The following KIF20B variants were observed in gnomAD, a reference collection of about 807,000 sequenced individuals.
KIF20B encodes the protein kinesin family member 20B.
A neutral mutation model predicts 232.5 loss-of-function variants in KIF20B; 188 were observed. That is an observed-to-expected ratio of 0.81 (90% CI 0.72 to 0.91). The LOEUF is 0.91. Ranked by LOEUF, KIF20B falls within the 40% of genes least tolerant of loss-of-function variation. The pLI is 0.00. For missense variants in KIF20B, 2,154 were observed against 2,055.9 expected (o/e 1.05, Z -0.92); for synonymous variants, 712 against 683.0 (o/e 1.04, Z -0.66).
chr10:89,725,065 AC>A lies in KIF20B; in HGVS notation c.1909del (p.Arg637ValfsTer37), dbSNP rs1308122839. 1 of 1,613,754 alleles carries A rather than the reference AC, an allele frequency of 6.2e-7. No homozygotes were observed. Among genetic ancestry groups the A allele is most frequent in the African/African-American group, 1.3e-5 (1 of 74,912 alleles). ...GAGAGATATTAGAAGAAAATGCTGAACGTCGTTTGGCTATCTTCAAGGATTT... is the reference window on the plus strand; with the variant it reads ...GAGAGATATTAGAAGAAAATGCTGAAGTCGTTTGGCTATCTTCAAGGATTT... ...EREILEENAERRLAIFKDLVG... is the reference protein window; with the variant it reads ...EREILEENAEXRLAIFKDLVG... On this transcript the variant is annotated frameshift_variant, in exon 15 of 33. Transcript: ENST00000371728. LOFTEE classifies it high-confidence loss of function.
intron 31 of KIF20B, 146 bp from the exon 32 acceptor site, chr10:89,772,543 C>T: frequency 2.2e-6 from 1 of 445,610 alleles, no homozygotes; most frequent in South Asian, 7.0e-5. Context: ...TATTCATGCC[C>T]TTTCACCATA....
chr10:89,723,398 C>T (rs1843109363), intron 13 of KIF20B, among the ~76,000 whole-genome samples: 1 of 152,126 alleles, frequency 6.6e-6, no homozygotes, highest in Non-Finnish European at 1.5e-5. Flanking sequence ...GTTTCAAAGG[C>T]TATAGAATTG....
At position 89,761,732 on chromosome 10, in the gene KIF20B, A is replaced by T. The variant is rs147151871; in HGVS notation, c.4792-906A>T. Among the ~76,000 whole-genome samples the T allele has an allele frequency of 2.5e-3, 387 of 152,316 alleles. 2 individuals carry two copies. The highest frequency in any genetic ancestry group is 8.0e-3 in the African/African-American group (333 of 41,582). ...AACCTTGGGGACTAATACAAATCAT[A>T]AATTTCACAGAAAAGTTTGAAGTTT... is the stretch of plus-strand genomic sequence containing the variant. On this transcript the variant is annotated intron_variant, in intron 28 of 32. Coordinates refer to ENST00000371728, the MANE Select transcript of KIF20B (RefSeq NM_001284259.2).
At chr10:89,744,871 A>T (rs1467350631) in intron 22 of KIF20B, among the ~76,000 whole-genome samples, 1 of 152,196 alleles carries the variant, frequency 6.6e-6, no homozygotes, top group African/African-American at 2.4e-5. Context: ...TTCACTCTTA[A>T]GACTTACAAA....
chr10:89,702,302 A>G (rs1384731270), intron 1 of KIF20B, among the ~76,000 whole-genome samples: 1 of 152,104 alleles, frequency 6.6e-6, no homozygotes, highest in East Asian at 1.9e-4. Flanking sequence ...TGCCAGGCTG[A>G]AGAGTTTGTG....
At chr10:89,713,131 A>T (rs1842866350) in intron 6 of KIF20B, among the ~76,000 whole-genome samples, 1 of 152,146 alleles carries the variant, frequency 6.6e-6, no homozygotes, top group Non-Finnish European at 1.5e-5. Flanking sequence ...AGACTGAAGC[A>T]GGCTGATCAC....
At chr10:89,743,966 C>A (rs766637446) in intron 22 of KIF20B, 39 bp downstream of exon 22, 3 of 1,532,596 alleles carry the variant, frequency 2.0e-6, no homozygotes, top group Non-Finnish European at 2.6e-6. Context: ...TAAATGCATT[C>A]TCTTGGTATA....
chr10:89,718,680 TACAA>T (rs1564659981), intron 11 of KIF20B, 26 bp from the exon 12 acceptor site: 1 of 1,570,336 alleles, frequency 6.4e-7, no homozygotes, highest in Admixed American at 1.8e-5. Context: ...TTTTTTAACT[TACAA>T]TGTTTTCTGA....
chr10:89,710,519 A>T (rs979122421), intron 5 of KIF20B, among the ~76,000 whole-genome samples: 1 of 152,198 alleles, frequency 6.6e-6, no homozygotes, highest in African/African-American at 2.4e-5. Context: ...AAGAGCCACC[A>T]TGCCTGGCCT....
At chr10:89,731,023 G>T (rs1243836058) in intron 18 of KIF20B, among the ~76,000 whole-genome samples, 3 of 152,116 alleles carry the variant, frequency 2.0e-5, no homozygotes, top group Non-Finnish European at 4.4e-5. Flanking sequence ...GAAGTAAGGG[G>T]ATGTTAAAAT....
chr10:89,768,191 T>C, intron 29 of KIF20B, 99 bp from the exon 30 acceptor site: 6 of 748,722 alleles, frequency 8.0e-6, no homozygotes, highest in Admixed American at 2.8e-5. Context: ...AGTCACTGTT[T>C]TAAGTGATAA....
At chr10:89,753,482 A>T (rs1842061635) in intron 25 of KIF20B, among the ~76,000 whole-genome samples, 1 of 152,224 alleles carries the variant, frequency 6.6e-6, no homozygotes, top group South Asian at 2.1e-4. Context: ...AAGTGTATCA[A>T]CCGTATTGAG....
chr10:89,715,267 A>C, intron 8 of KIF20B, 85 bp downstream of exon 8: 1 of 811,612 alleles, frequency 1.2e-6, no homozygotes, highest in Non-Finnish European at 2.0e-6. Context: ...ACAAATAGAA[A>C]ATTGAAAATT....
intron 6 of KIF20B, 73 bp from the exon 7 acceptor site, chr10:89,713,974 G>A: frequency 4.8e-6 from 3 of 626,226 alleles, no homozygotes; most frequent in Non-Finnish European, 5.2e-6. Flanking sequence ...TATTTGGATA[G>A]GTAATTAATA....
chr10:89,721,119 G>C (rs1843047144), intron 13 of KIF20B, among the ~76,000 whole-genome samples: 1 of 152,150 alleles, frequency 6.6e-6, no homozygotes, highest in Non-Finnish European at 1.5e-5. Context: ...TAATGGTGTT[G>C]ACACATCACA....
chr10:89,774,214 A>G lies in KIF20B; in HGVS notation c.*166A>G, dbSNP rs1487075729. The G allele has an allele frequency of 5.1e-6, 2 of 394,372 alleles. No homozygotes were observed. The highest frequency in any genetic ancestry group is 1.1e-4 in the South Asian group (1 of 9,422). The allele number at this position is 394,372 out of a possible 1,614,324, so 24.4% of individuals were successfully genotyped here. ...ATTCAATAAATGAGTCAAAATTTGT[A>G]TATTTTTATAAGGCTTTTTTATAAT... On this transcript the variant is annotated 3_prime_UTR_variant, in exon 33 of 33. Transcript: ENST00000371728.
chr10:89,756,449 T>C (rs1028110778), intron 26 of KIF20B, among the ~76,000 whole-genome samples: 1 of 152,208 alleles, frequency 6.6e-6, no homozygotes, highest in Non-Finnish European at 1.5e-5. Context: ...AAAGCTAGTT[T>C]ACTCTTTTCT....
chr10:89,749,717 C>T (rs1841987411), intron 23 of KIF20B, among the ~76,000 whole-genome samples: 1 of 152,100 alleles, frequency 6.6e-6, no homozygotes. Flanking sequence ...CAAGTTTCAT[C>T]CATATTGTGT....
intron 28 of KIF20B, among the ~76,000 whole-genome samples, 167 bp downstream of exon 28, chr10:89,760,803 G>C (rs1176378607): frequency 6.6e-6 from 1 of 152,068 alleles, no homozygotes; most frequent in African/African-American, 2.4e-5. Flanking sequence ...AATTCTTTTG[G>C]GAGATTATAT....
Sources: gnomAD v4.1 joint callset for allele counts (sites outside exome capture counted in the v4.1 genomes callset) on GRCh38, gnomAD v4.1.1 for gene constraint, MANE v1.5 for transcripts, NCBI Gene and HGNC (gene_info 2026-07-23, HGNC 2026-07-21) for gene names.